The following ARHGEF28 variants were observed in gnomAD, a reference collection of about 807,000 sequenced individuals.
ARHGEF28 encodes 190 kDa guanine nucleotide exchange factor.
A neutral mutation model predicts 206.6 loss-of-function variants in ARHGEF28; 152 were observed. That is an observed-to-expected ratio of 0.74 (90% CI 0.64 to 0.84). The LOEUF (loss-of-function observed/expected upper bound fraction) is 0.84, where lower values mean the gene tolerates loss of function less well. Among genes scored for constraint, ARHGEF28 ranks in the 40% least tolerant of loss-of-function variants. ARHGEF28 has a pLI of 0.00. For synonymous variants in ARHGEF28, 763 were observed against 776.4 expected, an observed-to-expected ratio of 0.98 and a Z score of 0.29; for missense variants, 2,028 against 2,073.2, an observed-to-expected ratio of 0.98 and a Z score of 0.42.
intron 1 of ARHGEF28, among the ~76,000 whole-genome samples, chr5:73,664,428 T>C (rs1745814010): frequency 6.6e-6 from 1 of 152,246 alleles, no homozygotes; most frequent in African/African-American, 2.4e-5. Context: ...GAATCCTGGT[T>C]CTGTCACTTT....
chr5:73,790,557 G>A (rs1754420670), intron 7 of ARHGEF28, among the ~76,000 whole-genome samples: 1 of 151,940 alleles, frequency 6.6e-6, no homozygotes, highest in Non-Finnish European at 1.5e-5. Flanking sequence ...TGGAATGTTG[G>A]GCTCTCACTC....
Position 73,802,810 on chromosome 5 carries a change from G to A in ARHGEF28, c.1024+7419G>A, listed in dbSNP as rs1183263870. ...ACACTTCAGAATACCCATGTATATA[G>A]GCATTTACAAAAAAAAAAATTACAT... On this transcript the variant is annotated intron_variant, in intron 9 of 35. Coordinates refer to ENST00000513042, the MANE Select transcript of ARHGEF28 (RefSeq NM_001177693.2). Among the ~76,000 whole-genome samples the A allele has an allele frequency of 4.7e-5, 7 of 149,702 alleles. No individual in the cohort carries two copies. In the East Asian group the frequency reaches 1.4e-3, roughly 29 times the overall value.
In ARHGEF28 at chr5:73,892,141, A is replaced by G; in HGVS notation, c.3477A>G (p.Ser1159=). ...EERGMFLISA[S]SAGPEMYEIH... ...GAGGAATGTTTCTGATCAGTGCTTC[A>G]TCTGCTGGTCCTGAGATGTATGAAA... Residue 1159 remains serine, a synonymous_variant, in exon 27 of 36, where the codon TCA becomes TCG. Transcript: ENST00000513042. 6.3e-7 allele frequency: 1 copy of G among 1,588,986 alleles called. No individual in the cohort carries two copies. The highest frequency in any genetic ancestry group is 8.6e-7 in the Non-Finnish European group (1 of 1,166,346).
chr5:73,768,525 G>A (rs113807409), intron 4 of ARHGEF28, among the ~76,000 whole-genome samples: 8 of 152,244 alleles, frequency 5.3e-5, no homozygotes, highest in East Asian at 3.9e-4. Context: ...TCAGACTTGC[G>A]TAGGGCCTGT....
At chr5:73,779,720 A>G (rs187628179) in intron 6 of ARHGEF28, among the ~76,000 whole-genome samples, 58 of 152,192 alleles carry the variant, frequency 3.8e-4, no homozygotes, top group Admixed American at 2.7e-3. Context: ...CCAGCCACTC[A>G]TTCCATGGTG....
chr5:73,890,061 T>C (rs933252323), intron 26 of ARHGEF28, among the ~76,000 whole-genome samples: 1 of 152,240 alleles, frequency 6.6e-6, no homozygotes, highest in African/African-American at 2.4e-5. Flanking sequence ...GTGTTTGACA[T>C]CTACCTCCAA....
rs181576975 is a variant in ARHGEF28 at position 73,864,386 on chromosome 5, T to G, written c.2048-431T>G. On this transcript the variant is annotated intron_variant, in intron 16 of 35. Coordinates refer to ENST00000513042, the MANE Select transcript of ARHGEF28 (RefSeq NM_001177693.2). The stretch of plus-strand genomic sequence containing the variant: ...CCTCACAATACATTTTTTTCAGCAT[T>G]GTTAAGAGTTTGTTTTCTTTCTTCT... 9.8e-4 allele frequency among the ~76,000 whole-genome samples: 149 copies of G among 152,300 alleles called. 2 individuals carry two copies. The highest frequency in any genetic ancestry group is 5.1e-3 in the Admixed American group (78 of 15,306).
intron 9 of ARHGEF28, chr5:73,795,608 A>G: frequency 2.1e-6 from 1 of 470,102 alleles, no homozygotes; most frequent in South Asian, 3.2e-5. Context: ...CAAGGCAATC[A>G]AAGCTTTTCC....
intron 2 of ARHGEF28, among the ~76,000 whole-genome samples, chr5:73,692,928 A>C (rs139944985): frequency 9.8e-4 from 149 of 152,196 alleles, no homozygotes; most frequent in African/African-American, 3.4e-3. Context: ...TCCATCCCCC[A>C]GTGGGCTACC....
At chr5:73,636,223 A>G (rs1441476718) in intron 1 of ARHGEF28, among the ~76,000 whole-genome samples, 1 of 152,212 alleles carries the variant, frequency 6.6e-6, no homozygotes, top group Non-Finnish European at 1.5e-5. Context: ...TACAATAAAA[A>G]TGAACCCTCT....
chr5:73,684,821 G>C lies in ARHGEF28; in HGVS notation c.-11-20G>C. Reference sequence around the variant, plus strand: ...GGGGCCTCCTGCAATAACTTCTCTTGTTTATTATTTTCATTGCAGATGCGA... The same window carrying C: ...GGGGCCTCCTGCAATAACTTCTCTTCTTTATTATTTTCATTGCAGATGCGA... On this transcript the variant is annotated intron_variant, in intron 1 of 35. Transcript: ENST00000513042. 1 of 1,605,168 alleles carries C rather than the reference G, an allele frequency of 6.2e-7. No homozygotes were observed. The highest frequency in any genetic ancestry group is 8.5e-7 in the Non-Finnish European group (1 of 1,175,360).
intron 4 of ARHGEF28, among the ~76,000 whole-genome samples, chr5:73,758,648 C>T (rs535557490): frequency 3.3e-5 from 5 of 152,038 alleles, no homozygotes; most frequent in African/African-American, 4.8e-5. Flanking sequence ...CTCTGCCTCC[C>T]GGATTCAAAT....
At chr5:73,706,103 C>T (rs1361990408) in intron 2 of ARHGEF28, among the ~76,000 whole-genome samples, 1 of 152,172 alleles carries the variant, frequency 6.6e-6, no homozygotes, top group Non-Finnish European at 1.5e-5. Flanking sequence ...CATTTTCACA[C>T]CCTTGGGCCA....
chr5:73,656,649 C>T (rs1029217258), intron 1 of ARHGEF28, among the ~76,000 whole-genome samples: 1 of 152,142 alleles, frequency 6.6e-6, no homozygotes, highest in Admixed American at 6.5e-5. Context: ...CTTAGTCTGC[C>T]TGTGACTATT....
At chr5:73,656,559 A>G (rs1745214963) in intron 1 of ARHGEF28, among the ~76,000 whole-genome samples, 1 of 152,062 alleles carries the variant, frequency 6.6e-6, no homozygotes, top group Non-Finnish European at 1.5e-5. Flanking sequence ...GCTACCCTCA[A>G]ATCTCAGACA....
chr5:73,641,340 T>G (rs1393602145), intron 1 of ARHGEF28, among the ~76,000 whole-genome samples: 3 of 151,738 alleles, frequency 2.0e-5, no homozygotes, highest in Admixed American at 2.0e-4. Flanking sequence ...TCAAACCTGG[T>G]GACTAAAAGA....
intron 22 of ARHGEF28, among the ~76,000 whole-genome samples, chr5:73,878,312 G>A (rs1306956323): frequency 1.3e-5 from 2 of 150,792 alleles, no homozygotes; most frequent in Admixed American, 6.6e-5. Flanking sequence ...TTGAGCCTAT[G>A]TGTGTCTCTG....
chr5:73,634,339 A>G (rs577007017), intron 1 of ARHGEF28, among the ~76,000 whole-genome samples: 1 of 152,310 alleles, frequency 6.6e-6, no homozygotes, highest in South Asian at 2.1e-4. Flanking sequence ...AAAGATATAT[A>G]CTGTGTCTAT....
At chr5:73,901,002 G>GCTT (rs1762234989) in intron 30 of ARHGEF28, 182 bp from the exon 31 acceptor site, 1 of 525,038 alleles carries the variant, frequency 1.9e-6, no homozygotes, top group African/African-American at 1.9e-5. Flanking sequence ...GCCCCATGTG[G>GCTT]GCAGGGACCA....
Sources: allele counts gnomAD v4.1 joint callset (sites outside exome capture counted in the v4.1 genomes callset), GRCh38; gene constraint gnomAD v4.1.1; transcripts MANE v1.5; gene names NCBI Gene and HGNC (gene_info 2026-07-23, HGNC 2026-07-21).